The following GLIS1 variants were observed in gnomAD, a reference collection of about 807,000 sequenced individuals.
The protein encoded by GLIS1 is GLIS family zinc finger 1, also known as zinc finger protein GLIS1.
Under a neutral mutation model 63.8 loss-of-function variants are expected in GLIS1, and 24 were observed. The observed-to-expected ratio is 0.38, with a 90% CI of 0.27 to 0.53. The LOEUF (loss-of-function observed/expected upper bound fraction) is 0.53, where lower values mean the gene tolerates loss of function less well. GLIS1 is among the 20% of genes least tolerant of loss of function. The pLI is 0.85. For missense variants in GLIS1, 1,036 were observed against 1,074.1 expected (o/e 0.96, Z 0.50); for synonymous variants, 450 against 482.5 (o/e 0.93, Z 0.88).
chr1:53,737,789 G>A lies in GLIS1; in HGVS notation c.259+17C>T. 1 of 1,231,000 alleles carries A rather than the reference G, an allele frequency of 8.1e-7. No homozygotes were observed. Among genetic ancestry groups the A allele is most frequent in the Non-Finnish European group, 1.0e-6 (1 of 987,410 alleles). The allele number at this position is 1,231,000 out of a possible 1,614,324, so 76.3% of individuals were successfully genotyped here. On this transcript the variant is annotated intron_variant, in intron 2 of 10. Transcript: ENST00000628545. ...CTCCACAGGAGCCGCCAGGCACGTT[G>A]GCAGGGCCGAACTCACCCTTCCCGG...
intron 2 of GLIS1, among the ~76,000 whole-genome samples, chr1:53,671,591 C>T (rs959626336): frequency 7.9e-5 from 12 of 152,156 alleles, no homozygotes; most frequent in Admixed American, 3.9e-4. Flanking sequence ...AATATAAGAA[C>T]GGTCTTTGAA....
chr1:53,692,480 A>G (rs1022211945), intron 2 of GLIS1, among the ~76,000 whole-genome samples: 4 of 152,262 alleles, frequency 2.6e-5, no homozygotes, highest in Non-Finnish European at 1.5e-5. Context: ...TGTGCTTTAC[A>G]CACATTAATG....
At chr1:53,530,567 C>T (rs1370445546) in intron 4 of GLIS1, among the ~76,000 whole-genome samples, 1 of 152,172 alleles carries the variant, frequency 6.6e-6, no homozygotes, top group Non-Finnish European at 1.5e-5. Context: ...AACTGAAGGG[C>T]CCTTCACAGA....
At chr1:53,632,966 ATG>A (rs778245163) in intron 2 of GLIS1, among the ~76,000 whole-genome samples, 23 of 88,466 alleles carry the variant, frequency 2.6e-4, no homozygotes, top group Non-Finnish European at 4.3e-4. Context: ...GGGCGTGTAT[ATG>A]TGTGACCGAG....
chr1:53,704,808 A>C (rs1646560588), intron 2 of GLIS1, among the ~76,000 whole-genome samples: 1 of 152,132 alleles, frequency 6.6e-6, no homozygotes, highest in South Asian at 2.1e-4. Context: ...AGTGAGAGAG[A>C]GCAGAAGTTA....
chr1:53,591,941 A>C (rs180691390), intron 4 of GLIS1, among the ~76,000 whole-genome samples: 78 of 152,328 alleles, frequency 5.1e-4, no homozygotes, highest in African/African-American at 1.7e-3. Flanking sequence ...CACCTCCTCC[A>C]TGAAGCCCTT....
intron 2 of GLIS1, among the ~76,000 whole-genome samples, chr1:53,625,680 C>T (rs1406035625): frequency 3.9e-5 from 6 of 152,332 alleles, no homozygotes; most frequent in African/African-American, 1.4e-4. Context: ...AGCCCTGATG[C>T]TTTGTAAGGA....
At chr1:53,674,337 C>T (rs939151283) in intron 2 of GLIS1, among the ~76,000 whole-genome samples, 11 of 152,246 alleles carry the variant, frequency 7.2e-5, no homozygotes, top group South Asian at 6.2e-4. Flanking sequence ...CAAATTCTCA[C>T]CCCAACCTAT....
At chr1:53,637,705 T>C (rs1166414171) in intron 2 of GLIS1, among the ~76,000 whole-genome samples, 3 of 152,114 alleles carry the variant, frequency 2.0e-5, no homozygotes, top group African/African-American at 7.2e-5. Flanking sequence ...ACATCCAACA[T>C]ACAAGGGTCC....
chr1:53,639,102 G>C lies in GLIS1; in HGVS notation c.260-38824C>G, dbSNP rs748603787. Among the ~76,000 whole-genome samples the C allele has an allele frequency of 6.6e-5, 10 of 152,168 alleles. No individual in the cohort carries two copies. The highest frequency in any genetic ancestry group is 1.3e-4 in the Non-Finnish European group (9 of 68,028). ...TGGTTAACTGTGTGACTTTGAGCCA[G>C]TCCTTATTCTGACTGAGCCTCAGTT... On this transcript the variant is annotated intron_variant, in intron 2 of 10. Transcript: ENST00000628545. This position sits in a 1 kb window ranked among gnomAD's most constrained non-coding sequence, Gnocchi z 4.6.
chr1:53,693,347 C>T (rs1430597280), intron 2 of GLIS1, among the ~76,000 whole-genome samples: 1 of 145,842 alleles, frequency 6.9e-6, no homozygotes, highest in Non-Finnish European at 1.5e-5. Context: ...CCAACTTAAC[C>T]TCAGAAGATC....
chr1:53,597,230 G>A (rs573683031), intron 3 of GLIS1, among the ~76,000 whole-genome samples: 158 of 147,540 alleles, frequency 1.1e-3, no homozygotes, highest in African/African-American at 3.7e-3. Flanking sequence ...AAAATTAGCC[G>A]GGTGTGGTGG....
chr1:53,587,979 G>T (rs1645152952), intron 4 of GLIS1, among the ~76,000 whole-genome samples: 1 of 152,162 alleles, frequency 6.6e-6, no homozygotes, highest in African/African-American at 2.4e-5. Flanking sequence ...CCATGCATTT[G>T]GGACCTGAAC....
At position 53,738,860 on chromosome 1, in the gene GLIS1, G is replaced by A. The variant is rs553663665; in HGVS notation, c.-43+245C>T. On this transcript the variant is annotated intron_variant, in intron 1 of 10. Coordinates refer to ENST00000628545, the MANE Select transcript of GLIS1 (RefSeq NM_001367484.1). ...GGACGGACACGCCACCCACACTGCCGCTGGTCAGACGCTCAGCAGCGCACA... is the reference window on the plus strand; with the variant it reads ...GGACGGACACGCCACCCACACTGCCACTGGTCAGACGCTCAGCAGCGCACA... Among the ~76,000 whole-genome samples, 4 of 152,230 alleles carry A rather than the reference G, an allele frequency of 2.6e-5. No homozygotes were observed. The South Asian group carries it at 8.3e-4, about 32-fold the overall frequency.
chr1:53,547,995 A>C (rs1644721577), intron 4 of GLIS1, among the ~76,000 whole-genome samples: 1 of 152,150 alleles, frequency 6.6e-6, no homozygotes, highest in Non-Finnish European at 1.5e-5. Flanking sequence ...AACTTTTACA[A>C]ATATTTATTT....
intron 2 of GLIS1, among the ~76,000 whole-genome samples, chr1:53,722,966 C>G (rs182980389): frequency 6.6e-6 from 1 of 151,892 alleles, no homozygotes; most frequent in African/African-American, 2.4e-5. Flanking sequence ...AACCCCATCT[C>G]TACTCAGAAT....
intron 2 of GLIS1, among the ~76,000 whole-genome samples, chr1:53,680,160 C>T (rs1557518315): frequency 1.3e-5 from 2 of 151,990 alleles, no homozygotes; most frequent in Non-Finnish European, 2.9e-5. Flanking sequence ...TTCTAAAGGA[C>T]CTAGATTGTC....
chr1:53,554,637 C>A (rs930203176), intron 4 of GLIS1, among the ~76,000 whole-genome samples: 2 of 152,216 alleles, frequency 1.3e-5, no homozygotes, highest in East Asian at 3.9e-4. Flanking sequence ...ATATTGCCCC[C>A]CCAGGGCAAC....
At chr1:53,666,564 A>G (rs1033218007) in intron 2 of GLIS1, among the ~76,000 whole-genome samples, 3 of 151,966 alleles carry the variant, frequency 2.0e-5, no homozygotes, top group Non-Finnish European at 4.4e-5. Flanking sequence ...CTCTAATCTC[A>G]TCTTCAACCC....
Sources: allele counts gnomAD v4.1 joint callset (sites outside exome capture counted in the v4.1 genomes callset), GRCh38; gene constraint gnomAD v4.1.1; non-coding constraint Gnocchi (gnomAD v3.1); transcripts MANE v1.5; gene names NCBI Gene and HGNC (gene_info 2026-07-23, HGNC 2026-07-21).